KCNH5: variants seen among roughly 807,000 people sequenced by gnomAD.
KCNH5 encodes the protein voltage-gated delayed rectifier potassium channel KCNH5.
Under a neutral mutation model 96.1 loss-of-function variants are expected in KCNH5, and 46 were observed. The ratio of observed to expected loss-of-function variants is 0.48; its 90% CI spans 0.38 to 0.61. KCNH5 has a LOEUF of 0.61. Among genes scored for constraint, KCNH5 ranks in the 20% least tolerant of loss-of-function variants. The pLI is 0.00. For missense variants in KCNH5, 907 were observed against 1,225.8 expected (o/e 0.74, Z 3.88); for synonymous variants, 439 against 449.8 (o/e 0.98, Z 0.30).
chr14:62,968,488 T>A lies in KCNH5; in HGVS notation c.942+12384A>T, dbSNP rs545894274. On this transcript the variant is annotated intron_variant, in intron 6 of 10. Transcript: ENST00000322893. The stretch of plus-strand genomic sequence containing the variant: ...TATGGAAAGCTGGTAGGGTAGGTCA[T>A]CTGACTGGAGGATTATTTACATGAC... Among the ~76,000 whole-genome samples, 3 of 152,284 alleles carry A rather than the reference T, an allele frequency of 2.0e-5. No homozygotes were observed. The South Asian group carries it at 6.2e-4, about 32-fold the overall frequency.
At chr14:62,725,588 G>C (rs1033903116) in intron 10 of KCNH5, among the ~76,000 whole-genome samples, 1 of 152,130 alleles carries the variant, frequency 6.6e-6, no homozygotes, top group South Asian at 2.1e-4. Context: ...AGTGGAAGGA[G>C]GGACAGTAGA....
At chr14:62,989,258 A>G (rs1443166989) in intron 4 of KCNH5, among the ~76,000 whole-genome samples, 1 of 152,024 alleles carries the variant, frequency 6.6e-6, no homozygotes, top group Non-Finnish European at 1.5e-5. Context: ...CTCCAGGATA[A>G]CACTGTATAT....
At chr14:62,749,399 C>T (rs1018879429) in intron 10 of KCNH5, among the ~76,000 whole-genome samples, 1 of 152,108 alleles carries the variant, frequency 6.6e-6, no homozygotes, top group Non-Finnish European at 1.5e-5. Flanking sequence ...AGTTTAATGG[C>T]AATTGGGGTA....
intron 6 of KCNH5, among the ~76,000 whole-genome samples, chr14:62,963,042 C>T (rs569295995): frequency 6.6e-6 from 1 of 152,104 alleles, no homozygotes; most frequent in Non-Finnish European, 1.5e-5. Flanking sequence ...GTCACAATGC[C>T]TACATCATTC....
At chr14:62,930,052 A>T (rs1889551401) in intron 7 of KCNH5, among the ~76,000 whole-genome samples, 1 of 152,110 alleles carries the variant, frequency 6.6e-6, no homozygotes, top group Non-Finnish European at 1.5e-5. Context: ...ACCTAGGTTG[A>T]TTCCATGTCT....
At position 63,045,230 on chromosome 14, in the gene KCNH5, G is replaced by T; in HGVS notation, c.-44C>A. The T allele has an allele frequency of 3.5e-6, 5 of 1,427,392 alleles. No individual in the cohort carries two copies. The highest frequency in any genetic ancestry group is 1.7e-5 in the Admixed American group (1 of 59,766). 88.4% of individuals were successfully genotyped at this position (1,427,392 alleles called of 1,614,324 possible). On this transcript the variant is annotated 5_prime_UTR_variant, in exon 1 of 11. Coordinates refer to ENST00000322893, the MANE Select transcript of KCNH5 (RefSeq NM_139318.5). ...CGGCCAGGATCCGCGGCGGGGGAGG[G>T]GGGGATGCAGGCAAAGAAGGTGGAG...
At chr14:62,843,982 T>A (rs1037920108) in intron 8 of KCNH5, among the ~76,000 whole-genome samples, 4 of 152,170 alleles carry the variant, frequency 2.6e-5, no homozygotes, top group Non-Finnish European at 5.9e-5. Flanking sequence ...ATATATATAT[T>A]GCCTACTGTA....
Position 62,797,440 on chromosome 14 carries a change from G to A in KCNH5, c.1822+4889C>T, listed in dbSNP as rs576845913. Among the ~76,000 whole-genome samples the A allele has an allele frequency of 6.6e-5, 10 of 152,128 alleles. No individual in the cohort carries two copies. In the East Asian group the frequency reaches 1.4e-3, roughly 21 times the overall value. ...ACAAATCTACATGTTTCACAGTTCC[G>A]CATCTACAACACAGAAGTATGGGTG... On this transcript the variant is annotated intron_variant, in intron 9 of 10. Transcript: ENST00000322893.
At chr14:62,872,206 G>T (rs909206940) in intron 7 of KCNH5, among the ~76,000 whole-genome samples, 1 of 152,094 alleles carries the variant, frequency 6.6e-6, no homozygotes, top group Non-Finnish European at 1.5e-5. Flanking sequence ...ATAACACAGA[G>T]ATGAAAAAAT....
chr14:62,852,533 T>C (rs886403192), intron 7 of KCNH5, among the ~76,000 whole-genome samples: 1 of 152,018 alleles, frequency 6.6e-6, no homozygotes, highest in Non-Finnish European at 1.5e-5. Context: ...TACACAATTA[T>C]AGTAATATAT....
intron 10 of KCNH5, among the ~76,000 whole-genome samples, chr14:62,715,872 G>C (rs1759265164): frequency 6.6e-6 from 1 of 152,118 alleles, no homozygotes; most frequent in African/African-American, 2.4e-5. Context: ...AGGAGGGATA[G>C]GGAAGGAATA....
At chr14:63,035,220 G>C (rs1236158204) in intron 1 of KCNH5, among the ~76,000 whole-genome samples, 1 of 151,998 alleles carries the variant, frequency 6.6e-6, no homozygotes, top group African/African-American at 2.4e-5. Flanking sequence ...TTTGCAAATG[G>C]ACTGCATCTT....
chr14:62,796,562 T>C (rs1236516012), intron 9 of KCNH5, among the ~76,000 whole-genome samples: 3 of 152,188 alleles, frequency 2.0e-5, no homozygotes, highest in Admixed American at 1.3e-4. Flanking sequence ...TCTAACCCTA[T>C]GATTCTATGA....
chr14:63,026,629 G>T (rs1345975103), intron 1 of KCNH5, among the ~76,000 whole-genome samples: 3 of 151,928 alleles, frequency 2.0e-5, no homozygotes, highest in Non-Finnish European at 1.5e-5. Context: ...AATCATCAGG[G>T]AAATGCAGAT....
At position 62,820,133 on chromosome 14, in the gene KCNH5, T is replaced by A. The variant is rs148691580; in HGVS notation, c.1570-17552A>T. ...TGGCATTTTGCAACAGGAAGCCAGC[T>A]TCAGGGGAAAATATAGGCAGCAGCT... On this transcript the variant is annotated intron_variant, in intron 8 of 10. Transcript: ENST00000322893. Among the ~76,000 whole-genome samples, 25 of 152,242 alleles carry A rather than the reference T, an allele frequency of 1.6e-4. No homozygotes were observed. The East Asian group carries it at 4.8e-3, about 29-fold the overall frequency.
At chr14:62,984,200 C>T (rs1021176627) in intron 5 of KCNH5, among the ~76,000 whole-genome samples, 32 of 152,242 alleles carry the variant, frequency 2.1e-4, no homozygotes, top group Middle Eastern at 3.4e-3. Context: ...TGTACCAATA[C>T]AGACACATTC....
intron 6 of KCNH5, among the ~76,000 whole-genome samples, chr14:62,958,048 T>C (rs571259384): frequency 3.9e-4 from 60 of 152,332 alleles, no homozygotes; most frequent in Non-Finnish European, 6.5e-4. Context: ...TTCATATTTC[T>C]AGGACAGAAC....
intron 10 of KCNH5, among the ~76,000 whole-genome samples, chr14:62,773,093 A>G (rs1212302025): frequency 1.3e-5 from 2 of 152,248 alleles, no homozygotes; most frequent in Non-Finnish European, 2.9e-5. Context: ...GATTTTACTG[A>G]CAATCTTCTT....
At chr14:62,726,136 A>T (rs1398323981) in intron 10 of KCNH5, among the ~76,000 whole-genome samples, 1 of 152,210 alleles carries the variant, frequency 6.6e-6, no homozygotes, top group Non-Finnish European at 1.5e-5. Context: ...CACACCGTAT[A>T]ACTAAATCAA....
Sources: allele counts gnomAD v4.1 joint callset (sites outside exome capture counted in the v4.1 genomes callset), GRCh38; gene constraint gnomAD v4.1.1; transcripts MANE v1.5; gene names NCBI Gene and HGNC (gene_info 2026-07-23, HGNC 2026-07-21).